The following TRHDE variants were observed in gnomAD, a reference collection of about 807,000 sequenced individuals.
TRHDE encodes the protein thyrotropin releasing hormone degrading enzyme, also known as thyrotropin-releasing hormone-degrading ectoenzyme.
Under a neutral mutation model 125.7 loss-of-function variants are expected in TRHDE, and 72 were observed. The ratio of observed to expected loss-of-function variants is 0.57; its 90% CI spans 0.47 to 0.70. The LOEUF is 0.70. TRHDE is among the 30% of genes least tolerant of loss of function. The pLI is 0.00. For synonymous variants in TRHDE, 509 were observed against 509.1 expected (o/e 1.00, Z 0.00); for missense variants, 1,110 against 1,327.1 (o/e 0.84, Z 2.54).
chr12:72,435,639 GA>G (rs1321498437), intron 3 of TRHDE, among the ~76,000 whole-genome samples: 53 of 136,228 alleles, frequency 3.9e-4, no homozygotes, highest in South Asian at 1.6e-3. Flanking sequence ...CCCAGGCTGG[GA>G]TTTTTTTTTT....
intron 3 of TRHDE, 118 bp from the exon 4 acceptor site, chr12:72,469,640 A>G (rs183687296): frequency 8.7e-6 from 10 of 1,155,888 alleles, no homozygotes; most frequent in Non-Finnish European, 1.1e-5. Flanking sequence ...TGCCAAAAAA[A>G]TCACTAAGTA....
chr12:72,412,986 G>A (rs1411897113), intron 3 of TRHDE, among the ~76,000 whole-genome samples: 1 of 151,944 alleles, frequency 6.6e-6, no homozygotes, highest in Non-Finnish European at 1.5e-5. Flanking sequence ...CACTTGTGGG[G>A]TCATTGGTTA....
intron 6 of TRHDE, among the ~76,000 whole-genome samples, chr12:72,508,407 G>A (rs1216071543): frequency 1.3e-5 from 2 of 152,216 alleles, no homozygotes; most frequent in Non-Finnish European, 2.9e-5. Flanking sequence ...GTGTGAGCTG[G>A]ATGTAAGACA....
At chr12:72,097,104 T>C (rs1874941808) in intron 1 of TRHDE, among the ~76,000 whole-genome samples, 1 of 152,002 alleles carries the variant, frequency 6.6e-6, no homozygotes, top group African/African-American at 2.4e-5. Context: ...GTACAAAGAG[T>C]AAGGAAGAGG....
At chr12:72,224,124 A>ATCTG (rs1360281549) in intron 2 of TRHDE, among the ~76,000 whole-genome samples, 1 of 56,604 alleles carries the variant, frequency 1.8e-5, no homozygotes, top group Non-Finnish European at 3.7e-5. Flanking sequence ...CTATCTATCT[A>ATCTG]TCTATCTATC....
chr12:72,112,349 T>A (rs968943160), intron 2 of TRHDE, among the ~76,000 whole-genome samples: 2 of 152,116 alleles, frequency 1.3e-5, no homozygotes, highest in Non-Finnish European at 2.9e-5. Context: ...GCTGTCTAGG[T>A]TTTAGAAGCT....
At chr12:72,503,904 G>T (rs975723589) in intron 6 of TRHDE, among the ~76,000 whole-genome samples, 1 of 152,166 alleles carries the variant, frequency 6.6e-6, no homozygotes, top group African/African-American at 2.4e-5. Context: ...CCACAGGGAT[G>T]GGGTATTCTG....
intron 5 of TRHDE, among the ~76,000 whole-genome samples, chr12:72,497,435 T>C (rs945414942): frequency 6.6e-6 from 1 of 152,170 alleles, no homozygotes; most frequent in African/African-American, 2.4e-5. Context: ...ATATTAAAAT[T>C]AAGGTTTAAA....
At chr12:72,513,651 G>A (rs887242089) in intron 6 of TRHDE, among the ~76,000 whole-genome samples, 1 of 152,002 alleles carries the variant, frequency 6.6e-6, no homozygotes, top group Non-Finnish European at 1.5e-5. Context: ...GTATTAGGAG[G>A]CTTAACTGTG....
At chr12:72,509,995 G>T (rs893713015) in intron 6 of TRHDE, among the ~76,000 whole-genome samples, 3 of 152,170 alleles carry the variant, frequency 2.0e-5, no homozygotes, top group Non-Finnish European at 4.4e-5. Flanking sequence ...GGGAAAGAAA[G>T]ATTGTGTTGC....
At chr12:72,224,091 C>CTATCT (rs1878057392) in intron 2 of TRHDE, among the ~76,000 whole-genome samples, 2 of 50,280 alleles carry the variant, frequency 4.0e-5, no homozygotes, top group South Asian at 6.4e-4. Context: ...TCTATCTATC[C>CTATCT]ATCTATCTAT....
intron 6 of TRHDE, among the ~76,000 whole-genome samples, chr12:72,504,430 A>G (rs1156593450): frequency 6.6e-6 from 1 of 151,554 alleles, no homozygotes; most frequent in Non-Finnish European, 1.5e-5. Flanking sequence ...CAGCCTCCTG[A>G]GCAGCTGGGA....
chr12:72,469,944 T>C (rs1592468867), intron 4 of TRHDE, 32 bp downstream of exon 4: 10 of 1,597,120 alleles, frequency 6.3e-6, no homozygotes, highest in Non-Finnish European at 8.5e-6. Context: ...GTAAGTATAA[T>C]GTGAAAGCTA....
At chr12:72,369,313 G>C (rs1871470419) in intron 2 of TRHDE, among the ~76,000 whole-genome samples, 1 of 152,108 alleles carries the variant, frequency 6.6e-6, no homozygotes, top group African/African-American at 2.4e-5. Flanking sequence ...TCCACAGTCA[G>C]CGTCTGTTTT....
At chr12:72,442,802 G>A (rs534119789) in intron 3 of TRHDE, among the ~76,000 whole-genome samples, 4 of 151,904 alleles carry the variant, frequency 2.6e-5, no homozygotes, top group Admixed American at 2.6e-4. Flanking sequence ...AGGATTTTTA[G>A]GTTCCTTCAC....
At chr12:72,349,437 A>G (rs1474042055) in intron 2 of TRHDE, among the ~76,000 whole-genome samples, 1 of 151,992 alleles carries the variant, frequency 6.6e-6, no homozygotes, top group African/African-American at 2.4e-5. Flanking sequence ...TTGGGACTTT[A>G]TTGATGCCTT....
chr12:72,167,110 A>T (rs573549945), intron 2 of TRHDE, among the ~76,000 whole-genome samples: 1 of 152,164 alleles, frequency 6.6e-6, no homozygotes, highest in African/African-American at 2.4e-5. Context: ...TCACTCTGAG[A>T]CATGGTTCTT....
At chr12:72,460,269 T>A (rs1441885413) in intron 3 of TRHDE, among the ~76,000 whole-genome samples, 2 of 152,186 alleles carry the variant, frequency 1.3e-5, no homozygotes, top group African/African-American at 4.8e-5. Context: ...TCATCTTCAT[T>A]TTACAGGTGA....
intron 2 of TRHDE, among the ~76,000 whole-genome samples, chr12:72,311,817 T>C (rs1345799117): frequency 1.3e-5 from 2 of 152,250 alleles, no homozygotes; most frequent in East Asian, 3.9e-4. Context: ...TCCTATAACA[T>C]ATGGGGGAGA....
Sources: allele counts gnomAD v4.1 joint callset (sites outside exome capture counted in the v4.1 genomes callset), GRCh38; gene constraint gnomAD v4.1.1; transcripts MANE v1.5; gene names NCBI Gene and HGNC (gene_info 2026-07-23, HGNC 2026-07-21).